SPAG16: variants seen among roughly 807,000 people sequenced by gnomAD.
SPAG16 encodes the protein sperm-associated antigen 16 protein.
A neutral mutation model predicts 80.4 loss-of-function variants in SPAG16; 86 were observed. The ratio of observed to expected loss-of-function variants is 1.07; its 90% confidence interval spans 0.90 to 1.28. SPAG16 has a LOEUF of 1.28. SPAG16 is among the 50% of genes most tolerant of loss of function. SPAG16 has a pLI of 0.00. For missense variants in SPAG16, 870 were observed against 765.3 expected (o/e 1.14, Z -1.61); for synonymous variants, 294 against 265.9 (o/e 1.11, Z -1.03).
intron 15 of SPAG16, among the ~76,000 whole-genome samples, chr2:214,262,808 C>T (rs1029194391): frequency 6.6e-5 from 10 of 152,082 alleles, no homozygotes; most frequent in African/African-American, 2.2e-4. Context: ...CATTGCTCTA[C>T]TATATAAATA....
chr2:214,264,587 A>G (rs1357173978), intron 15 of SPAG16, among the ~76,000 whole-genome samples: 1 of 152,110 alleles, frequency 6.6e-6, no homozygotes, highest in African/African-American at 2.4e-5. Context: ...TTGCATTCGT[A>G]TGGTACAATT....
chr2:213,377,944 T>C (rs1210618893), intron 9 of SPAG16, among the ~76,000 whole-genome samples: 2 of 150,760 alleles, frequency 1.3e-5, no homozygotes, highest in East Asian at 3.9e-4. Context: ...ACTAATAAGA[T>C]ATATATGGGG....
intron 10 of SPAG16, among the ~76,000 whole-genome samples, chr2:213,580,600 G>A (rs1214356181): frequency 6.6e-6 from 1 of 152,062 alleles, no homozygotes; most frequent in Non-Finnish European, 1.5e-5. Flanking sequence ...TGGATACAGT[G>A]CTATCTTTTT....
chr2:214,311,644 G>A (rs777154531), intron 15 of SPAG16: 1 of 152,152 alleles, frequency 6.6e-6, no homozygotes, highest in Non-Finnish European at 1.5e-5. Context: ...CAACTTCTTT[G>A]TATGGGTTCT....
chr2:213,810,082 A>C (rs991821864), intron 10 of SPAG16, among the ~76,000 whole-genome samples: 5 of 152,174 alleles, frequency 3.3e-5, no homozygotes, highest in African/African-American at 1.2e-4. Context: ...TCTGTTTAAG[A>C]AGTTCCATGG....
intron 10 of SPAG16, among the ~76,000 whole-genome samples, chr2:213,822,167 C>T (rs184057512): frequency 1.3e-3 from 201 of 152,304 alleles, no homozygotes; most frequent in African/African-American, 4.7e-3. Flanking sequence ...TTCCCACCAA[C>T]AGTGTATGAG....
At chr2:214,227,014 T>C (rs1342644605) in intron 15 of SPAG16, among the ~76,000 whole-genome samples, 4 of 152,092 alleles carry the variant, frequency 2.6e-5, no homozygotes, top group African/African-American at 9.6e-5. Context: ...GGCATGACAA[T>C]GTACCAGTCT....
At chr2:214,151,735 G>A (rs761558530) in intron 15 of SPAG16, among the ~76,000 whole-genome samples, 6 of 151,636 alleles carry the variant, frequency 4.0e-5, no homozygotes, top group Middle Eastern at 6.8e-3. Flanking sequence ...TACACCTAGC[G>A]TGTTATTTGT....
chr2:214,101,965 G>A (rs1210524527), intron 13 of SPAG16, among the ~76,000 whole-genome samples: 1 of 152,124 alleles, frequency 6.6e-6, no homozygotes, highest in African/African-American at 2.4e-5. Flanking sequence ...GGGTGAATAT[G>A]CTCCCGGGTT....
chr2:213,815,205 A>C (rs2072447429), intron 10 of SPAG16, among the ~76,000 whole-genome samples: 1 of 152,182 alleles, frequency 6.6e-6, no homozygotes, highest in South Asian at 2.1e-4. Context: ...AGAGCATTTT[A>C]TTAAGTTAAA....
intron 10 of SPAG16, among the ~76,000 whole-genome samples, chr2:213,603,543 C>T (rs1380772056): frequency 2.0e-5 from 3 of 152,218 alleles, no homozygotes; most frequent in African/African-American, 4.8e-5. Flanking sequence ...CTAATATTCA[C>T]TAAAAGAGAT....
At chr2:214,351,271 T>C (rs1698386300) in intron 15 of SPAG16, among the ~76,000 whole-genome samples, 1 of 152,212 alleles carries the variant, frequency 6.6e-6, no homozygotes, top group Admixed American at 6.5e-5. Flanking sequence ...TGTATGTTTG[T>C]ATGTATTCAG....
rs1360553174 is a variant in SPAG16 at position 213,483,141 on chromosome 2, A to G, written c.943-6822A>G. Among the ~76,000 whole-genome samples the G allele has an allele frequency of 2.6e-5, 4 of 152,272 alleles. No homozygotes were observed. In the East Asian group the frequency reaches 7.7e-4, roughly 29 times the overall value. ...CATGAATATTATTATTAATAACTAAATAATGTTTCATCATCTGGATGCATG... is the reference window on the plus strand; with the variant it reads ...CATGAATATTATTATTAATAACTAAGTAATGTTTCATCATCTGGATGCATG... On this transcript the variant is annotated intron_variant, in intron 9 of 15. Transcript: ENST00000331683.
At chr2:214,079,063 C>T (rs1199053181) in intron 13 of SPAG16, among the ~76,000 whole-genome samples, 1 of 152,120 alleles carries the variant, frequency 6.6e-6, no homozygotes, top group African/African-American at 2.4e-5. Flanking sequence ...CTCAGAATCT[C>T]TGCCCTTCCA....
chr2:213,301,686 C>T (rs2126087336), intron 3 of SPAG16, among the ~76,000 whole-genome samples: 1 of 152,174 alleles, frequency 6.6e-6, no homozygotes, highest in East Asian at 1.9e-4. Flanking sequence ...AAAGATGTGT[C>T]TAATGCAAAT....
chr2:213,473,866 A>T (rs1019086302), intron 9 of SPAG16, among the ~76,000 whole-genome samples: 13 of 152,172 alleles, frequency 8.5e-5, no homozygotes, highest in Non-Finnish European at 1.3e-4. Context: ...TCTCAACCTC[A>T]TCTCTAGGGG....
chr2:214,391,213 C>G (rs1209771618), intron 15 of SPAG16, among the ~76,000 whole-genome samples: 2 of 152,074 alleles, frequency 1.3e-5, no homozygotes, highest in African/African-American at 4.8e-5. Flanking sequence ...TTTGTAGCTT[C>G]AATTTCCTCT....
chr2:213,414,817 T>G (rs2069162283), intron 9 of SPAG16, among the ~76,000 whole-genome samples: 1 of 152,256 alleles, frequency 6.6e-6, no homozygotes, highest in African/African-American at 2.4e-5. Context: ...AGCTCTAATT[T>G]GTCCCTTCTT....
intron 15 of SPAG16, among the ~76,000 whole-genome samples, chr2:214,177,971 G>GTGTGTATATATATATA (rs1397087073): frequency 6.7e-5 from 4 of 59,362 alleles, no homozygotes; most frequent in African/African-American, 2.5e-4. Flanking sequence ...CAAAGTGTAT[G>GTGTGTATATATATATA]TATATATATA....
Sources: gnomAD v4.1 joint callset for allele counts (sites outside exome capture counted in the v4.1 genomes callset) on GRCh38, gnomAD v4.1.1 for gene constraint, MANE v1.5 for transcripts, NCBI Gene and HGNC (gene_info 2026-07-23, HGNC 2026-07-21) for gene names.